Variants in THSD7A observed in about 807,000 individuals in gnomAD.
THSD7A encodes the protein thrombospondin type-1 domain-containing protein 7A.
THSD7A carries 96 observed loss-of-function variants against 231.3 expected under a neutral mutation model. The ratio of observed to expected loss-of-function variants is 0.41; its 90% confidence interval spans 0.35 to 0.49. The LOEUF (loss-of-function observed/expected upper bound fraction) is 0.49, where lower values mean the gene tolerates loss of function less well. THSD7A is among the 20% of genes least tolerant of loss of function. THSD7A has a pLI of 0.05. For synonymous variants in THSD7A, 940 were observed against 743.3 expected (o/e 1.26, Z -4.30); for missense variants, 2,290 against 2,070.2 (o/e 1.11, Z -2.06).
chr7:11,440,629 G>A (rs1784774405), intron 13 of THSD7A, among the ~76,000 whole-genome samples: 1 of 152,004 alleles, frequency 6.6e-6, no homozygotes, highest in Non-Finnish European at 1.5e-5. Flanking sequence ...AGTAATTGCA[G>A]ATGTGGTAGA....
intron 6 of THSD7A, among the ~76,000 whole-genome samples, chr7:11,532,660 C>A (rs565678318): frequency 5.7e-4 from 86 of 152,074 alleles, no homozygotes; most frequent in Non-Finnish European, 9.1e-4. Flanking sequence ...AAAACTGTTT[C>A]TTGTGGAAAC....
At chr7:11,747,095 A>G (rs1308909961) in intron 1 of THSD7A, among the ~76,000 whole-genome samples, 1 of 151,926 alleles carries the variant, frequency 6.6e-6, no homozygotes, top group Admixed American at 6.6e-5. Flanking sequence ...ACCTTTGGAA[A>G]TTACTAGCTT....
At chr7:11,828,958 T>C (rs1466443857) in intron 1 of THSD7A, among the ~76,000 whole-genome samples, 1 of 152,106 alleles carries the variant, frequency 6.6e-6, no homozygotes, top group Non-Finnish European at 1.5e-5. Context: ...GTGAAGACGA[T>C]GAAGATAAAG....
chr7:11,470,278 A>G (rs1237082062), intron 8 of THSD7A, among the ~76,000 whole-genome samples: 1 of 152,042 alleles, frequency 6.6e-6, no homozygotes, highest in Non-Finnish European at 1.5e-5. Context: ...TCCTCTTATA[A>G]TCTCTCCATT....
chr7:11,415,273 C>G (rs1029211505), intron 17 of THSD7A, among the ~76,000 whole-genome samples: 1 of 152,222 alleles, frequency 6.6e-6, no homozygotes, highest in African/African-American at 2.4e-5. Context: ...AAATGAATAG[C>G]TATTGCTAGC....
At chr7:11,393,231 G>T (rs984895163) in intron 23 of THSD7A, among the ~76,000 whole-genome samples, 1 of 152,196 alleles carries the variant, frequency 6.6e-6, no homozygotes, top group Non-Finnish European at 1.5e-5. Context: ...CTCCGTTGGT[G>T]ATATCCAGGC....
chr7:11,718,127 C>T (rs1240816195), intron 1 of THSD7A, among the ~76,000 whole-genome samples: 1 of 151,652 alleles, frequency 6.6e-6, no homozygotes, highest in Non-Finnish European at 1.5e-5. Context: ...AGAGAGCATG[C>T]TGCATCCTCT....
In THSD7A at chr7:11,377,240, CAT is replaced by C. The variant is rs1782311892; in HGVS notation, c.4802-585_4802-584del. The stretch of plus-strand genomic sequence containing the variant: ...TTTCAAAAACAACTGGTTTGGTTAA[CAT>C]ATAAAAGGATCTATAAATAATTTTT... On this transcript the variant is annotated intron_variant, in intron 26 of 27. Transcript: ENST00000423059. The surrounding 1 kb of genome is among the most constrained non-coding windows in gnomAD (Gnocchi z 4.5). Among the ~76,000 whole-genome samples the C allele has an allele frequency of 6.6e-6, 1 of 151,884 alleles. No individual in the cohort carries two copies. The highest frequency in any genetic ancestry group is 1.5e-5 in the Non-Finnish European group (1 of 67,922).
chr7:11,387,571 T>A (rs1414603548), intron 23 of THSD7A, among the ~76,000 whole-genome samples: 2 of 152,222 alleles, frequency 1.3e-5, no homozygotes, highest in Non-Finnish European at 2.9e-5. Context: ...ATCCTGAGAC[T>A]TTGCTGAAGT....
chr7:11,769,506 T>C lies in THSD7A; in HGVS notation c.190+62251A>G, dbSNP rs546541152. Among the ~76,000 whole-genome samples, 53 of 152,214 alleles carry C rather than the reference T, an allele frequency of 3.5e-4. No homozygotes were observed. In the East Asian group the frequency reaches 9.9e-3, roughly 28 times the overall value. On this transcript the variant is annotated intron_variant, in intron 1 of 27. Transcript: ENST00000423059. ...TGATAAATGAGTTTAACTAGATATT[T>C]ATCTTTTTTTTCAAGAAGCTGTGTC...
intron 6 of THSD7A, among the ~76,000 whole-genome samples, chr7:11,508,537 G>A (rs558320175): frequency 1.3e-4 from 20 of 152,204 alleles, no homozygotes; most frequent in Non-Finnish European, 2.5e-4. Flanking sequence ...ATGATATGGC[G>A]GTTCACCAGA....
At chr7:11,665,729 G>A (rs990667334) in intron 1 of THSD7A, among the ~76,000 whole-genome samples, 1 of 152,108 alleles carries the variant, frequency 6.6e-6, no homozygotes, top group Non-Finnish European at 1.5e-5. Context: ...CCTTTTAGCT[G>A]CAAAAACAGA....
intron 1 of THSD7A, among the ~76,000 whole-genome samples, chr7:11,656,213 A>G (rs1302210574): frequency 6.6e-6 from 1 of 151,958 alleles, no homozygotes; most frequent in Non-Finnish European, 1.5e-5. Context: ...TTATTAAGGA[A>G]TTAAGAGTGA....
At chr7:11,588,038 T>C (rs1779986665) in intron 4 of THSD7A, among the ~76,000 whole-genome samples, 1 of 152,226 alleles carries the variant, frequency 6.6e-6, no homozygotes, top group Admixed American at 6.5e-5. Context: ...GTACAGGTTG[T>C]TCATGGTTAC....
intron 27 of THSD7A, 112 bp from the exon 28 acceptor site, chr7:11,375,990 G>A: frequency 1.1e-6 from 1 of 872,394 alleles, no homozygotes; most frequent in Admixed American, 2.2e-5. Context: ...TTGCCTCGTT[G>A]CCTGCGTTGC....
chr7:11,560,165 A>G (rs1303405295), intron 4 of THSD7A, among the ~76,000 whole-genome samples: 2 of 152,194 alleles, frequency 1.3e-5, no homozygotes, highest in Admixed American at 1.3e-4. Flanking sequence ...GCCGAAGAAT[A>G]TATTTTTTAA....
At chr7:11,696,301 T>C (rs1780396554) in intron 1 of THSD7A, among the ~76,000 whole-genome samples, 1 of 151,534 alleles carries the variant, frequency 6.6e-6, no homozygotes, top group African/African-American at 2.4e-5. Flanking sequence ...AAAGGTTTAC[T>C]ATAGAAAAAA....
intron 7 of THSD7A, among the ~76,000 whole-genome samples, chr7:11,478,445 T>C (rs576243598): frequency 2.3e-4 from 35 of 152,244 alleles, no homozygotes; most frequent in African/African-American, 7.2e-4. Context: ...CCTCACCCAG[T>C]TGGGCTCTGA....
chr7:11,467,654 C>T (rs772891051), intron 9 of THSD7A, among the ~76,000 whole-genome samples: 10 of 152,008 alleles, frequency 6.6e-5, no homozygotes, highest in Non-Finnish European at 1.3e-4. Flanking sequence ...AATGATCAAA[C>T]AGCAAAGAGC....
Sources: allele counts gnomAD v4.1 joint callset (sites outside exome capture counted in the v4.1 genomes callset), GRCh38; gene constraint gnomAD v4.1.1; non-coding constraint Gnocchi (gnomAD v3.1); transcripts MANE v1.5; gene names NCBI Gene and HGNC (gene_info 2026-07-23, HGNC 2026-07-21).